Variants in MTUS2 observed in about 807,000 individuals in gnomAD.
The protein encoded by MTUS2 is microtubule associated scaffold protein 2.
A neutral mutation model predicts 114.1 loss-of-function variants in MTUS2; 40 were observed. That is an observed-to-expected ratio of 0.35 (90% CI 0.27 to 0.46). The LOEUF (loss-of-function observed/expected upper bound fraction) is 0.46. Ranked by LOEUF, MTUS2 falls within the 20% of genes least tolerant of loss-of-function variation. The pLI, the probability that MTUS2 is intolerant of heterozygous loss-of-function variation, is 1.00. For synonymous variants in MTUS2, 688 were observed against 672.0 expected (o/e 1.02, Z -0.37); for missense variants, 1,679 against 1,705.4 (o/e 0.98, Z 0.27).
chr13:28,893,150 A>G (rs888023106), intron 2 of MTUS2, among the ~76,000 whole-genome samples: 2 of 152,216 alleles, frequency 1.3e-5, no homozygotes, highest in Non-Finnish European at 1.5e-5. Flanking sequence ...TTCTTTAGGT[A>G]GACGGGAGCC....
At chr13:29,312,039 C>T (rs886942149) in intron 6 of MTUS2, among the ~76,000 whole-genome samples, 1 of 152,202 alleles carries the variant, frequency 6.6e-6, no homozygotes, top group Admixed American at 6.5e-5. Context: ...CACGTGATCA[C>T]TGCCCCCACA....
At chr13:29,038,144 A>G (rs1887169350) in intron 4 of MTUS2, among the ~76,000 whole-genome samples, 1 of 152,066 alleles carries the variant, frequency 6.6e-6, no homozygotes, top group African/African-American at 2.4e-5. Context: ...CCTCATCTTC[A>G]TGGATTTATC....
At chr13:29,029,558 A>C (rs1280904420) in intron 3 of MTUS2, among the ~76,000 whole-genome samples, 1 of 152,132 alleles carries the variant, frequency 6.6e-6, no homozygotes, top group African/African-American at 2.4e-5. Flanking sequence ...CCATGAAGAG[A>C]CCTGTCAGTC....
intron 4 of MTUS2, among the ~76,000 whole-genome samples, chr13:29,050,524 A>G (rs1034747459): frequency 6.6e-6 from 1 of 152,002 alleles, no homozygotes; most frequent in African/African-American, 2.4e-5. Context: ...CCTGATTCTC[A>G]AATATGCCCC....
chr13:29,137,574 C>T (rs1359231086), intron 5 of MTUS2, among the ~76,000 whole-genome samples: 1 of 151,572 alleles, frequency 6.6e-6, no homozygotes, highest in African/African-American at 2.4e-5. Flanking sequence ...TTTGTTCTTT[C>T]TTCTTCTTTC....
intron 2 of MTUS2, among the ~76,000 whole-genome samples, chr13:28,969,962 G>A (rs995077326): frequency 6.6e-6 from 1 of 152,164 alleles, no homozygotes; most frequent in Non-Finnish European, 1.5e-5. Context: ...TGTAATTTTA[G>A]TAGAGACAGG....
chr13:29,041,188 A>T (rs1887339659), intron 4 of MTUS2, among the ~76,000 whole-genome samples: 1 of 152,090 alleles, frequency 6.6e-6, no homozygotes, highest in Non-Finnish European at 1.5e-5. Flanking sequence ...TCCCAGCACC[A>T]TTTGTTGAAT....
chr13:29,328,372 T>C (rs926502712), intron 7 of MTUS2, among the ~76,000 whole-genome samples: 4 of 152,220 alleles, frequency 2.6e-5, no homozygotes, highest in Admixed American at 1.3e-4. Context: ...GAGACATGAA[T>C]TGCAGGAAAA....
chr13:29,462,573 G>A (rs1488801196), intron 9 of MTUS2, among the ~76,000 whole-genome samples: 2 of 152,160 alleles, frequency 1.3e-5, no homozygotes, highest in Non-Finnish European at 1.5e-5. Flanking sequence ...AGGCAGAGCT[G>A]ACATGGCCTG....
intron 7 of MTUS2, among the ~76,000 whole-genome samples, chr13:29,356,172 A>G (rs1043315105): frequency 2.0e-5 from 3 of 152,114 alleles, no homozygotes; most frequent in African/African-American, 7.2e-5. Flanking sequence ...GTCATGGGGG[A>G]ACATGACATG....
intron 2 of MTUS2, among the ~76,000 whole-genome samples, chr13:28,885,071 C>T (rs1320490428): frequency 1.3e-5 from 2 of 151,852 alleles, no homozygotes; most frequent in African/African-American, 4.8e-5. Flanking sequence ...GTCATTAATC[C>T]CCCCAAGTAA....
intron 5 of MTUS2, among the ~76,000 whole-genome samples, chr13:29,245,798 G>A (rs1202699732): frequency 1.4e-5 from 2 of 146,936 alleles, no homozygotes; most frequent in African/African-American, 2.5e-5. Context: ...CCAGGTTCAC[G>A]CCAGCCTCCT....
At chr13:29,451,474 A>G (rs1487058728) in intron 9 of MTUS2, among the ~76,000 whole-genome samples, 1 of 152,186 alleles carries the variant, frequency 6.6e-6, no homozygotes, top group Non-Finnish European at 1.5e-5. Flanking sequence ...GCCCAACAAT[A>G]TTTAGAGGGC....
intron 5 of MTUS2, among the ~76,000 whole-genome samples, chr13:29,234,614 A>T (rs1896461522): frequency 1.3e-5 from 2 of 152,184 alleles, no homozygotes; most frequent in African/African-American, 2.4e-5. Context: ...CACTTAGAAA[A>T]AAACTCCTTT....
chr13:29,203,572 A>C (rs1593597879), intron 5 of MTUS2, among the ~76,000 whole-genome samples: 1 of 151,778 alleles, frequency 6.6e-6, no homozygotes, highest in Admixed American at 6.6e-5. Flanking sequence ...AAAAAAAAAA[A>C]AAAAAAAACT....
rs1883092688 is a variant in MTUS2, at chr13:29,504,290, C to T, written c.*1084C>T. On this transcript the variant is annotated 3_prime_UTR_variant, in exon 16 of 16. Transcript: ENST00000612955. ...AATGATCAACTCTTTGAAATAGGAC[C>T]CTCAGGCCCCCATTTCCTAGCAGCC... 4.3e-6 allele frequency: 1 copy of T among 232,434 alleles called. No homozygotes were observed. The allele number at this position is 232,434 out of a possible 1,614,324, so 14.4% of individuals were successfully genotyped here. A position where few individuals can be genotyped will look rare whatever the true frequency, so the allele number is the denominator to read the frequency against.
chr13:28,914,092 G>T (rs1042664750), intron 2 of MTUS2, among the ~76,000 whole-genome samples: 1 of 151,600 alleles, frequency 6.6e-6, no homozygotes, highest in African/African-American at 2.4e-5. Context: ...GGTTTTTTGT[G>T]TGTGTGTCTG....
At chr13:29,050,374 C>T (rs1887835874) in intron 4 of MTUS2, among the ~76,000 whole-genome samples, 1 of 152,108 alleles carries the variant, frequency 6.6e-6, no homozygotes, top group African/African-American at 2.4e-5. Context: ...TTCCAGCCAC[C>T]AAGAGAAAAT....
At chr13:29,307,772 C>T in intron 6 of MTUS2, 1 of 1,038,982 alleles carries the variant, frequency 9.6e-7, no homozygotes, top group Non-Finnish European at 1.5e-6. Flanking sequence ...GCCCACATGT[C>T]CTCCAAGGAG....
Sources: gnomAD v4.1 joint callset for allele counts (sites outside exome capture counted in the v4.1 genomes callset) on GRCh38, gnomAD v4.1.1 for gene constraint, MANE v1.5 for transcripts, NCBI Gene and HGNC (gene_info 2026-07-23, HGNC 2026-07-21) for gene names.